Variants in WDR25 observed in about 807,000 individuals in gnomAD.
The protein encoded by WDR25 is WD repeat domain 25, also known as WD repeat-containing protein 25.
A neutral mutation model predicts 47.7 loss-of-function variants in WDR25; 35 were observed. The ratio of observed to expected loss-of-function variants is 0.73; its 90% CI spans 0.56 to 0.97. WDR25 has a LOEUF of 0.97. WDR25 is among the 50% of genes least tolerant of loss of function. WDR25 has a pLI of 0.00. For synonymous variants in WDR25, 248 were observed against 278.9 expected, an observed-to-expected ratio of 0.89 and a Z score of 1.10; for missense variants, 634 against 704.7, an observed-to-expected ratio of 0.90 and a Z score of 1.14.
intron 4 of WDR25, among the ~76,000 whole-genome samples, chr14:100,493,890 T>A (rs1900645473): frequency 6.6e-6 from 1 of 152,038 alleles, no homozygotes. Flanking sequence ...GAGAGATGAA[T>A]CTCTCTCCAC....
At chr14:100,526,793 C>CACCACCATT (rs1555397795) in intron 5 of WDR25, among the ~76,000 whole-genome samples, 1 of 9,158 alleles carries the variant, frequency 1.1e-4, no homozygotes, top group Admixed American at 9.5e-4. Flanking sequence ...TCACCACCAT[C>CACCACCATT]ATCACCAGCA....
chr14:100,471,496 T>C (rs1242726197), intron 3 of WDR25, among the ~76,000 whole-genome samples: 1 of 152,244 alleles, frequency 6.6e-6, no homozygotes, highest in Non-Finnish European at 1.5e-5. Context: ...CCGCTTTGAC[T>C]TGTCTTGTCC....
At position 100,507,222 on chromosome 14, in the gene WDR25, C is replaced by T. The variant is rs147967613; in HGVS notation, c.1102-18648C>T. The stretch of plus-strand genomic sequence containing the variant: ...TGAAGATCAGATGGCTGCAGGTGTG[C>T]AGCTTTATTCTGGGTTCTCTATTCT... On this transcript the variant is annotated intron_variant, in intron 4 of 6. Coordinates refer to ENST00000402312, the MANE Select transcript of WDR25 (RefSeq NM_001161476.3). Among the ~76,000 whole-genome samples the T allele has an allele frequency of 3.8e-3, 584 of 152,176 alleles. 6 individuals carry two copies. Among genetic ancestry groups the T allele is most frequent in the African/African-American group, 0.013 (554 of 41,532 alleles).
At chr14:100,422,686 G>A (rs990086021) in intron 2 of WDR25, among the ~76,000 whole-genome samples, 3 of 152,282 alleles carry the variant, frequency 2.0e-5, no homozygotes, top group African/African-American at 7.2e-5. Flanking sequence ...GCCCACCAGC[G>A]TACTGAGCGT....
At chr14:100,393,068 G>A (rs1213481993) in intron 2 of WDR25, among the ~76,000 whole-genome samples, 1 of 152,230 alleles carries the variant, frequency 6.6e-6, no homozygotes, top group Non-Finnish European at 1.5e-5. Flanking sequence ...AGGGGGCAAA[G>A]GCCCTTATCT....
chr14:100,384,977 GTT>G (rs1896986733), intron 2 of WDR25, among the ~76,000 whole-genome samples: 1 of 152,178 alleles, frequency 6.6e-6, no homozygotes, highest in Non-Finnish European at 1.5e-5. Flanking sequence ...GCCTCGCTGG[GTT>G]TTTGTGAAAA....
chr14:100,491,271 C>T (rs1354828178), intron 4 of WDR25, among the ~76,000 whole-genome samples: 1 of 152,214 alleles, frequency 6.6e-6, no homozygotes, highest in African/African-American at 2.4e-5. Context: ...AAGCACACGG[C>T]CAGTTGGTAG....
At chr14:100,480,607 A>G (rs563505013) in intron 3 of WDR25, among the ~76,000 whole-genome samples, 1 of 152,308 alleles carries the variant, frequency 6.6e-6, no homozygotes, top group Admixed American at 6.5e-5. Flanking sequence ...TTCCATTGTT[A>G]TGTGATTTTT....
rs2030393008 is a variant in WDR25, at chr14:100,529,847, T to G, written c.1441T>G (p.Cys481Gly). ...GGAGGGCTACTCAGTGGGCTGCGAG[T>G]GCTCCCCAGGCGGTGACTTGCTGGT... is the stretch of plus-strand genomic sequence containing the variant. ...KVEGYSVGCE[C>G]SPGGDLLVTG... Residue 481 changes from cysteine (C) to glycine (G), a missense_variant, in exon 7 of 7, where the codon TGC (cysteine) becomes GGC (glycine). By Grantham distance (159) the Cys-to-Gly change is radical. Coordinates refer to ENST00000402312, the MANE Select transcript of WDR25 (RefSeq NM_001161476.3). This position sits in a 1 kb window ranked among gnomAD's most constrained non-coding sequence, Gnocchi z 5.1. The G allele has an allele frequency of 6.2e-7, 1 of 1,612,516 alleles. No individual in the cohort carries two copies. The highest frequency in any genetic ancestry group is 8.5e-7 in the Non-Finnish European group (1 of 1,179,970).
chr14:100,432,397 A>G (rs1898366779), intron 2 of WDR25, among the ~76,000 whole-genome samples: 1 of 152,232 alleles, frequency 6.6e-6, no homozygotes, highest in Non-Finnish European at 1.5e-5. Flanking sequence ...CCAAAAATGT[A>G]GCATGCTGAA....
chr14:100,384,082 G>A (rs1354942891), intron 2 of WDR25, among the ~76,000 whole-genome samples: 1 of 152,238 alleles, frequency 6.6e-6, no homozygotes, highest in African/African-American at 2.4e-5. Flanking sequence ...GGGCTGCCAG[G>A]CAGCTTCTGG....
intron 2 of WDR25, among the ~76,000 whole-genome samples, chr14:100,397,255 G>A (rs1406196793): frequency 1.3e-5 from 2 of 152,218 alleles, no homozygotes; most frequent in Non-Finnish European, 2.9e-5. Flanking sequence ...GAGGATACTT[G>A]TACAGTGCGT....
intron 4 of WDR25, among the ~76,000 whole-genome samples, chr14:100,496,560 A>G (rs1387954321): frequency 6.6e-6 from 1 of 152,042 alleles, no homozygotes; most frequent in Admixed American, 6.6e-5. Flanking sequence ...TAAGGAGGCA[A>G]GTTAGGCCAT....
rs370463328 is a variant in WDR25, at chr14:100,527,337, C to T, written c.1272+1297C>T. Among the ~76,000 whole-genome samples the T allele has an allele frequency of 1.5e-3, 227 of 152,306 alleles. 3 individuals carry two copies. In the East Asian group the frequency reaches 0.035, roughly 24 times the overall value. On this transcript the variant is annotated intron_variant, in intron 5 of 6. Coordinates refer to ENST00000402312, the MANE Select transcript of WDR25 (RefSeq NM_001161476.3). ...TCACCACCACCACCACCACTGCTAC[C>T]GTCATCATTGTCACCACTACCACCG...
chr14:100,480,023 C>T (rs1900147962), intron 3 of WDR25, among the ~76,000 whole-genome samples: 1 of 152,222 alleles, frequency 6.6e-6, no homozygotes, highest in East Asian at 1.9e-4. Flanking sequence ...AAACCTGTCC[C>T]TGGTGCCAAA....
intron 2 of WDR25, among the ~76,000 whole-genome samples, chr14:100,422,918 A>G (rs1236860470): frequency 6.6e-6 from 1 of 152,150 alleles, no homozygotes; most frequent in African/African-American, 2.4e-5. Context: ...TATGATGTCA[A>G]TTTTTCAGGA....
chr14:100,516,212 G>A (rs1901491510), intron 4 of WDR25, among the ~76,000 whole-genome samples: 1 of 152,140 alleles, frequency 6.6e-6, no homozygotes, highest in Non-Finnish European at 1.5e-5. Flanking sequence ...AACAAAAACA[G>A]CCTTTAGACT....
At chr14:100,417,393 T>C (rs115629751) in intron 2 of WDR25, among the ~76,000 whole-genome samples, 1,624 of 152,308 alleles carry the variant, frequency 0.011, 29 homozygotes, top group African/African-American at 0.037. Flanking sequence ...AGATCCAAGG[T>C]GGTCAGGCGA....
intron 2 of WDR25, among the ~76,000 whole-genome samples, chr14:100,433,257 T>A (rs1476396344): frequency 6.6e-6 from 1 of 152,236 alleles, no homozygotes. Flanking sequence ...ACACTCACAT[T>A]TAGAGTACAA....
Sources: allele counts gnomAD v4.1 joint callset (sites outside exome capture counted in the v4.1 genomes callset), GRCh38; gene constraint gnomAD v4.1.1; non-coding constraint Gnocchi (gnomAD v3.1); transcripts MANE v1.5; gene names NCBI Gene and HGNC (gene_info 2026-07-23, HGNC 2026-07-21).